Variants in HEATR5B observed in about 807,000 individuals in gnomAD.
The protein encoded by HEATR5B is HEAT repeat-containing protein 5B.
HEATR5B carries 156 observed loss-of-function variants against 224.1 expected under a neutral mutation model. The ratio of observed to expected loss-of-function variants is 0.70; its 90% CI spans 0.61 to 0.80. HEATR5B has a LOEUF of 0.80. Among genes scored for constraint, HEATR5B ranks in the 30% least tolerant of loss-of-function variants. HEATR5B has a pLI of 0.00. For synonymous variants in HEATR5B, 1,027 were observed against 893.0 expected (o/e 1.15, Z -2.68); for missense variants, 2,323 against 2,535.5 (o/e 0.92, Z 1.80).
At chr2:37,055,142 C>A in intron 16 of HEATR5B, 2 of 386,564 alleles carry the variant, frequency 5.2e-6, no homozygotes, top group Non-Finnish European at 1.1e-5. Context: ...GGTTGAAAAC[C>A]AAAGTAGGAT....
chr2:37,024,786 C>CCTAGA (rs1668667688), intron 24 of HEATR5B, among the ~76,000 whole-genome samples: 1 of 152,190 alleles, frequency 6.6e-6, no homozygotes, highest in Non-Finnish European at 1.5e-5. Context: ...TATCAATCTA[C>CCTAGA]CAAACCAAAA....
At chr2:37,054,637 A>G (rs941868881) in intron 16 of HEATR5B, among the ~76,000 whole-genome samples, 1 of 150,780 alleles carries the variant, frequency 6.6e-6, no homozygotes, top group African/African-American at 2.4e-5. Context: ...GGTGTTCGCC[A>G]CTACACCCAG....
At chr2:37,022,505 C>T (rs1010754305) in intron 24 of HEATR5B, among the ~76,000 whole-genome samples, 1 of 152,180 alleles carries the variant, frequency 6.6e-6, no homozygotes, top group African/African-American at 2.4e-5. Context: ...ATTGCAACTA[C>T]TCAACTCCAC....
At chr2:37,025,798 A>G (rs915823570) in intron 24 of HEATR5B, among the ~76,000 whole-genome samples, 2 of 152,222 alleles carry the variant, frequency 1.3e-5, no homozygotes, top group Non-Finnish European at 2.9e-5. Flanking sequence ...CCCTAAATGT[A>G]GTATGCACAC....
At position 37,027,969 on chromosome 2, in the gene HEATR5B, G is replaced by C. The variant is rs1423939121; in HGVS notation, c.3807C>G (p.His1269Gln). The C allele has an allele frequency of 6.2e-7, 1 of 1,614,188 alleles. No homozygotes were observed. ...CAGAACGTGCCAAGGCAAGATCAAAGTGAGCCTGGTCTGCATTCTCACACA... is the reference window on the plus strand; with the variant it reads ...CAGAACGTGCCAAGGCAAGATCAAACTGAGCCTGGTCTGCATTCTCACACA... ...INLCENADQA[H>Q]FDLALARSAK... The change falls in exon 24 of 36, where the codon CAC (histidine) becomes CAG (glutamine). Residue 1269 changes from histidine (H) to glutamine (Q), a missense_variant. By Grantham distance (24) the His-to-Gln change is conservative. Around this residue, in one of 12 missense-constraint regions of HEATR5B, gnomAD observed 339 missense variants for 378.4 expected, o/e 0.90. Coordinates refer to ENST00000233099, the MANE Select transcript of HEATR5B (RefSeq NM_019024.3).
chr2:37,034,364 A>G (rs913301777), intron 21 of HEATR5B, among the ~76,000 whole-genome samples: 6 of 138,620 alleles, frequency 4.3e-5, no homozygotes, highest in African/African-American at 1.3e-4. Flanking sequence ...CTGTAATCCC[A>G]GCACTTTGGG....
In HEATR5B at chr2:37,002,483, C is replaced by G; in HGVS notation, c.5140G>C (p.Ala1714Pro). The G allele has an allele frequency of 1.2e-6, 2 of 1,614,216 alleles. No individual in the cohort carries two copies. The highest frequency in any genetic ancestry group is 1.7e-6 in the Non-Finnish European group (2 of 1,180,024). ...GLIPGKSLVF[A>P]TMELLMFILV... ...ATGAACATCAGCAGCTCCATAGTTG[C>G]AAACACAAGAGATTTTCCAGGAATG... Residue 1714 changes from alanine (A) to proline (P), a missense_variant, in exon 32 of 36, where the codon GCA becomes CCA. By Grantham distance (27) the Ala-to-Pro change is conservative. This residue lies in a region of HEATR5B where 844 missense variants were observed against 812.9 expected (regional missense o/e 1.04). Coordinates refer to ENST00000233099, the MANE Select transcript of HEATR5B (RefSeq NM_019024.3).
chr2:37,010,833 C>G (rs1667739540), intron 27 of HEATR5B, among the ~76,000 whole-genome samples: 3 of 151,936 alleles, frequency 2.0e-5, no homozygotes, highest in African/African-American at 7.2e-5. Flanking sequence ...TTAAGTATAT[C>G]CAGCCATTCA....
At chr2:37,050,892 T>C (rs1013671664) in intron 17 of HEATR5B, among the ~76,000 whole-genome samples, 1 of 149,096 alleles carries the variant, frequency 6.7e-6, no homozygotes, top group African/African-American at 2.5e-5. Context: ...ACAAAAAAAA[T>C]TAGCTGGGTG....
chr2:37,065,212 G>C (rs891836403), intron 9 of HEATR5B, among the ~76,000 whole-genome samples: 1 of 152,018 alleles, frequency 6.6e-6, no homozygotes, highest in African/African-American at 2.4e-5. Flanking sequence ...AAATTTAATA[G>C]AAGTCTTCAA....
Position 37,053,534 on chromosome 2 carries a change from T to A in HEATR5B, c.2473A>T (p.Asn825Tyr). ...GCACTAAGAACAGCAGTAAATATGT[T>A]AAGCTGCACAGCCTGCTGGCGGACA... is the stretch of plus-strand genomic sequence containing the variant. ...KGVRQQAVQL[N>Y]IFTAVLSALK... The change falls in exon 17 of 36, where the codon AAC becomes TAC. Residue 825 changes from asparagine (N) to tyrosine (Y), a missense_variant. Transcript: ENST00000233099. 1 of 1,608,578 alleles carries A rather than the reference T, an allele frequency of 6.2e-7. No individual in the cohort carries two copies. The highest frequency in any genetic ancestry group is 8.5e-7 in the Non-Finnish European group (1 of 1,175,988).
At chr2:37,012,211 A>G (rs1667831328) in intron 27 of HEATR5B, among the ~76,000 whole-genome samples, 1 of 152,176 alleles carries the variant, frequency 6.6e-6, no homozygotes, top group African/African-American at 2.4e-5. Context: ...GCGTGTGTGT[A>G]TAATTTCTAC....
At chr2:37,055,866 T>C (rs1016143011) in intron 16 of HEATR5B, among the ~76,000 whole-genome samples, 1 of 152,246 alleles carries the variant, frequency 6.6e-6, no homozygotes, top group Non-Finnish European at 1.5e-5. Context: ...AATCACAATA[T>C]ACAAACTGCC....
chr2:36,982,178 T>C (rs1331897078), intron 35 of HEATR5B, among the ~76,000 whole-genome samples: 2 of 152,170 alleles, frequency 1.3e-5, no homozygotes, highest in Non-Finnish European at 2.9e-5. Context: ...AAAGCATCTA[T>C]TTACCATTAT....
intron 4 of HEATR5B, 98 bp downstream of exon 4, chr2:37,076,813 T>A (rs1293139756): frequency 1.2e-6 from 1 of 857,320 alleles, no homozygotes; most frequent in South Asian, 1.6e-5. Context: ...CTAAGCAATA[T>A]GAGACCACAG....
intron 33 of HEATR5B, among the ~76,000 whole-genome samples, chr2:36,998,345 G>A (rs371173944): frequency 8.5e-5 from 13 of 152,254 alleles, no homozygotes; most frequent in African/African-American, 2.2e-4. Flanking sequence ...AATTAAAACC[G>A]TAAGACAGTA....
chr2:37,056,507 C>T lies in HEATR5B; in HGVS notation c.2332G>A (p.Val778Ile). Residue 778 changes from valine to isoleucine, a missense_variant, in exon 16 of 36, where the codon GTC (valine) becomes ATC (isoleucine). Val to Ile is a conservative substitution (Grantham distance 29). Around this residue, in one of 12 missense-constraint regions of HEATR5B, gnomAD observed 170 missense variants for 216.7 expected, o/e 0.78. Coordinates refer to ENST00000233099, the MANE Select transcript of HEATR5B (RefSeq NM_019024.3). Reference protein sequence around the residue: ...EAVPGPLPLGVSVIDASVALF... With the variant: ...EAVPGPLPLGISVIDASVALF... ...GCCACAGAAGCATCAATGACTGAGACTCCGAGAGGGAGGGGACCAGGTACT... is the reference window on the plus strand; with the variant it reads ...GCCACAGAAGCATCAATGACTGAGATTCCGAGAGGGAGGGGACCAGGTACT... 6.2e-7 allele frequency: 1 copy of T among 1,613,396 alleles called. No homozygotes were observed.
intron 26 of HEATR5B, among the ~76,000 whole-genome samples, chr2:37,015,796 C>A (rs1668074799): frequency 6.6e-6 from 1 of 152,144 alleles, no homozygotes; most frequent in Non-Finnish European, 1.5e-5. Context: ...GTCTGGATTT[C>A]AGGAGCAAGT....
chr2:36,996,662 G>A (rs915278616), intron 33 of HEATR5B, among the ~76,000 whole-genome samples: 1 of 151,926 alleles, frequency 6.6e-6, no homozygotes, highest in Non-Finnish European at 1.5e-5. Context: ...CGTGATTTCG[G>A]CTCACCGCAG....
Sources: allele counts gnomAD v4.1 joint callset (sites outside exome capture counted in the v4.1 genomes callset), GRCh38; gene constraint gnomAD v4.1.1; regional missense constraint gnomAD v4.1.1; transcripts MANE v1.5; gene names NCBI Gene and HGNC (gene_info 2026-07-23, HGNC 2026-07-21).